The following AFAP1 variants were observed in gnomAD, a reference collection of about 807,000 sequenced individuals.
The protein encoded by AFAP1 is actin filament associated protein 1.
AFAP1 carries 75 observed loss-of-function variants against 93.9 expected under a neutral mutation model. The ratio of observed to expected loss-of-function variants is 0.80; its 90% CI spans 0.66 to 0.97. The LOEUF is 0.97. AFAP1 is among the 50% of genes least tolerant of loss of function. AFAP1 has a pLI of 0.00. For missense variants in AFAP1, 1,201 were observed against 1,050.8 expected (o/e 1.14, Z -1.98); for synonymous variants, 517 against 430.7 (o/e 1.20, Z -2.48).
At chr4:7,795,608 T>C (rs1347659050) in intron 10 of AFAP1, among the ~76,000 whole-genome samples, 2 of 151,674 alleles carry the variant, frequency 1.3e-5, no homozygotes, top group East Asian at 3.9e-4. Flanking sequence ...GTATTTTTAG[T>C]AGAGATGGGG....
intron 8 of AFAP1, among the ~76,000 whole-genome samples, chr4:7,813,714 C>A (rs1454521990): frequency 1.3e-5 from 2 of 152,156 alleles, no homozygotes; most frequent in Non-Finnish European, 2.9e-5. Flanking sequence ...TGAATAACTT[C>A]CGATGGACAG....
chr4:7,836,784 T>A lies in AFAP1; in HGVS notation c.726+1740A>T, dbSNP rs1712352446. 2.0e-5 allele frequency among the ~76,000 whole-genome samples: 3 copies of A among 151,656 alleles called. No individual in the cohort carries two copies. In the South Asian group the frequency reaches 6.2e-4, roughly 32 times the overall value. ...CTTTTTGGAGCGACGAAATTCAGCA[T>A]CTAGACTATGGTGATGGCTGCACAA... On this transcript the variant is annotated intron_variant, in intron 6 of 17. Transcript: ENST00000420658.
intron 1 of AFAP1, among the ~76,000 whole-genome samples, chr4:7,922,073 A>G (rs1237052491): frequency 6.6e-6 from 1 of 152,216 alleles, no homozygotes; most frequent in South Asian, 2.1e-4. Flanking sequence ...CAGTGAGCCA[A>G]GATCACGCCA....
At chr4:7,891,761 A>AG in intron 1 of AFAP1, among the ~76,000 whole-genome samples, 1 of 150,512 alleles carries the variant, frequency 6.6e-6, no homozygotes, top group Non-Finnish European at 1.5e-5. Context: ...AAAAAAAAAA[A>AG]AAAAAGGCCG....
intron 4 of AFAP1, 69 bp downstream of exon 4, chr4:7,855,397 A>AG: frequency 8.0e-7 from 1 of 1,255,360 alleles, no homozygotes; most frequent in Non-Finnish European, 1.1e-6. Flanking sequence ...CTACCCAGAA[A>AG]GGGGACAGGC....
At position 7,887,425 on chromosome 4, in the gene AFAP1, A is replaced by T. The variant is rs532511459; in HGVS notation, c.-2-15345T>A. On this transcript the variant is annotated intron_variant, in intron 1 of 17. Transcript: ENST00000420658. ...ATGGGTGTTACAGGAAAATGCATCT[A>T]ACCAACAATTTTATGTCAAATTTTC... Among the ~76,000 whole-genome samples, 10 of 152,352 alleles carry T rather than the reference A, an allele frequency of 6.6e-5. No homozygotes were observed. In the South Asian group the frequency reaches 2.1e-3, roughly 32 times the overall value.
At chr4:7,770,315 A>G (rs866233323) in intron 16 of AFAP1, among the ~76,000 whole-genome samples, 1 of 152,192 alleles carries the variant, frequency 6.6e-6, no homozygotes, top group African/African-American at 2.4e-5. Context: ...GAGCCACCAT[A>G]GAAGAGAGTG....
At chr4:7,825,703 TA>T (rs1401388975) in intron 6 of AFAP1, among the ~76,000 whole-genome samples, 12 of 150,910 alleles carry the variant, frequency 8.0e-5, no homozygotes, top group Admixed American at 2.0e-4. Context: ...CAAATTAAGC[TA>T]AAAAAAAGTA....
intron 3 of AFAP1, among the ~76,000 whole-genome samples, chr4:7,866,839 C>T (rs1181032181): frequency 2.7e-5 from 4 of 150,012 alleles, no homozygotes; most frequent in Non-Finnish European, 5.9e-5. Context: ...GAGTGCAAGA[C>T]AGCAACACAG....
chr4:7,764,993 C>G (rs1373345686), intron 17 of AFAP1, among the ~76,000 whole-genome samples: 1 of 152,154 alleles, frequency 6.6e-6, no homozygotes, highest in Non-Finnish European at 1.5e-5. Flanking sequence ...ATAGTCCCAG[C>G]TACTCGGTAG....
chr4:7,925,400 C>T (rs567948452), intron 1 of AFAP1, among the ~76,000 whole-genome samples: 1 of 152,356 alleles, frequency 6.6e-6, no homozygotes, highest in Non-Finnish European at 1.5e-5. Context: ...TCCAGTACTT[C>T]ATCTTTCCAC....
chr4:7,909,541 G>A (rs1243720368), intron 1 of AFAP1, among the ~76,000 whole-genome samples: 2 of 152,188 alleles, frequency 1.3e-5, no homozygotes, highest in African/African-American at 4.8e-5. Context: ...TCGGAATAGA[G>A]TGAATAACCG....
chr4:7,919,472 C>T (rs1352770710), intron 1 of AFAP1, among the ~76,000 whole-genome samples: 1 of 152,032 alleles, frequency 6.6e-6, no homozygotes, highest in Non-Finnish European at 1.5e-5. Context: ...CCTACACAAA[C>T]GTTTAGTAGA....
chr4:7,898,538 T>C (rs919182308), intron 1 of AFAP1, among the ~76,000 whole-genome samples: 6 of 151,516 alleles, frequency 4.0e-5, no homozygotes, highest in Non-Finnish European at 8.8e-5. Flanking sequence ...AAAGTGCAAA[T>C]GGGGTGAAAT....
chr4:7,786,155 T>A, intron 12 of AFAP1, 39 bp downstream of exon 12: 9 of 1,583,712 alleles, frequency 5.7e-6, no homozygotes, highest in Non-Finnish European at 7.8e-6. Context: ...CCTCGGCCTC[T>A]AACAAAACCA....
intron 3 of AFAP1, among the ~76,000 whole-genome samples, chr4:7,857,141 G>A (rs1715161146): frequency 6.6e-6 from 1 of 152,142 alleles, no homozygotes; most frequent in Non-Finnish European, 1.5e-5. Flanking sequence ...GAAGAGGTAT[G>A]TTCACAAGGA....
intron 11 of AFAP1, 32 bp downstream of exon 11, chr4:7,793,649 G>T: frequency 6.7e-7 from 1 of 1,487,482 alleles, no homozygotes. Context: ...TTACTGAACT[G>T]TGGTGCCATT....
intron 16 of AFAP1, among the ~76,000 whole-genome samples, chr4:7,771,258 G>A (rs542341737): frequency 2.0e-4 from 31 of 151,940 alleles, no homozygotes; most frequent in African/African-American, 6.5e-4. Context: ...GGCGGCCCCC[G>A]CCGGTAACCA....
chr4:7,851,622 C>T (rs529418004), intron 4 of AFAP1, among the ~76,000 whole-genome samples: 14 of 152,140 alleles, frequency 9.2e-5, no homozygotes, highest in Non-Finnish European at 1.8e-4. Flanking sequence ...ACTTCTTGTC[C>T]AAATGGGCTC....
Sources: allele counts gnomAD v4.1 joint callset (sites outside exome capture counted in the v4.1 genomes callset), GRCh38; gene constraint gnomAD v4.1.1; transcripts MANE v1.5; gene names NCBI Gene and HGNC (gene_info 2026-07-23, HGNC 2026-07-21).